Variants in STK39 observed in about 807,000 individuals in gnomAD.
STK39 encodes the protein serine/threonine kinase 39.
Under a neutral mutation model 77.8 loss-of-function variants are expected in STK39, and 20 were observed. That is an observed-to-expected ratio of 0.26 (90% CI 0.18 to 0.37). STK39 has a LOEUF of 0.37. Among genes scored for constraint, STK39 ranks in the 10% least tolerant of loss-of-function variants. The pLI is 1.00. For missense variants in STK39, 479 were observed against 656.5 expected (o/e 0.73, Z 2.95); for synonymous variants, 246 against 234.1 (o/e 1.05, Z -0.47).
intron 5 of STK39, 131 bp from the exon 6 acceptor site, chr2:168,140,889 C>T: frequency 1.5e-6 from 1 of 686,964 alleles, no homozygotes; most frequent in Non-Finnish European, 2.3e-6. Flanking sequence ...GTCTACGGTG[C>T]TCTCTCAGGA....
intron 14 of STK39, among the ~76,000 whole-genome samples, chr2:168,031,435 A>T (rs549445275): frequency 1.1e-3 from 167 of 152,182 alleles, no homozygotes; most frequent in Non-Finnish European, 1.5e-3. Context: ...AGTGGCCCTG[A>T]GAAGTGGCCA....
chr2:167,998,968 A>C (rs376317691), intron 16 of STK39, among the ~76,000 whole-genome samples: 26 of 152,218 alleles, frequency 1.7e-4, no homozygotes, highest in African/African-American at 6.3e-4. Flanking sequence ...AAGGCTAGAG[A>C]GGCACAAGAT....
At chr2:168,022,571 A>G (rs528914580) in intron 14 of STK39, among the ~76,000 whole-genome samples, 1 of 152,344 alleles carries the variant, frequency 6.6e-6, no homozygotes, top group Admixed American at 6.5e-5. Context: ...AAGAAATTTG[A>G]AATTTTATAT....
chr2:168,077,137 A>G (rs1275244679), intron 10 of STK39, among the ~76,000 whole-genome samples: 1 of 152,208 alleles, frequency 6.6e-6, no homozygotes, highest in Non-Finnish European at 1.5e-5. Context: ...AAGTAAAATT[A>G]TCTATCAGAC....
At chr2:168,048,131 G>GATTAA (rs61157166) in intron 14 of STK39, among the ~76,000 whole-genome samples, 78,525 of 151,448 alleles carry the variant, frequency 0.52, 20,926 homozygotes, top group Admixed American at 0.57. Context: ...GCCAAATTCT[G>GATTAA]ATTAAGATCC....
intron 16 of STK39, among the ~76,000 whole-genome samples, chr2:167,978,334 A>G (rs1683334410): frequency 6.6e-6 from 1 of 152,138 alleles, no homozygotes; most frequent in Non-Finnish European, 1.5e-5. Context: ...AAATTTTCAG[A>G]GTTAAACTAT....
intron 10 of STK39, among the ~76,000 whole-genome samples, chr2:168,093,749 T>G (rs966660339): frequency 2.0e-5 from 3 of 152,138 alleles, no homozygotes; most frequent in African/African-American, 7.2e-5. Context: ...CACAACACAC[T>G]GCCACACTGC....
At position 168,118,621 on chromosome 2, in the gene STK39, AAAC is replaced by A. The variant is rs1220295311; in HGVS notation, c.1089+10917_1089+10919del. On this transcript the variant is annotated intron_variant, in intron 10 of 17. Coordinates refer to ENST00000355999, the MANE Select transcript of STK39 (RefSeq NM_013233.3). The stretch of plus-strand genomic sequence containing the variant: ...TGCTTTCAAAAAAAAAAAAAAAAAA[AAAC>A]AACAACTCAATTCACCAAATGAATT... 4.5e-3 allele frequency among the ~76,000 whole-genome samples: 607 copies of A among 133,542 alleles called. 1 individual carries two copies. The highest frequency in any genetic ancestry group is 0.016 in the Middle Eastern group (4 of 256). The allele number at this position is 133,542 out of a possible 152,430, so 87.6% of individuals were successfully genotyped here.
At chr2:168,223,223 T>C (rs1465327222) in intron 1 of STK39, among the ~76,000 whole-genome samples, 1 of 152,152 alleles carries the variant, frequency 6.6e-6, no homozygotes, top group East Asian at 1.9e-4. Flanking sequence ...AGAAATTCAC[T>C]TCTTGGCCAG....
intron 1 of STK39, among the ~76,000 whole-genome samples, chr2:168,183,022 C>T (rs527624011): frequency 6.6e-6 from 1 of 152,260 alleles, no homozygotes; most frequent in African/African-American, 2.4e-5. Flanking sequence ...CATCAAATAG[C>T]ATCATAAAAG....
intron 14 of STK39, 48 bp downstream of exon 14, chr2:168,063,452 A>G (rs1685713537): frequency 6.6e-7 from 1 of 1,517,466 alleles, no homozygotes; most frequent in South Asian, 1.2e-5. Context: ...GATTTAAAAA[A>G]TTGTACTATA....
intron 17 of STK39, among the ~76,000 whole-genome samples, chr2:167,959,464 A>ACTTT (rs1267053385): frequency 1.3e-5 from 2 of 151,862 alleles, no homozygotes; most frequent in East Asian, 1.9e-4. Flanking sequence ...TGTCAGTCTT[A>ACTTT]CTTCATTCTG....
At chr2:168,147,762 C>T (rs1235425540) in intron 5 of STK39, among the ~76,000 whole-genome samples, 1 of 152,100 alleles carries the variant, frequency 6.6e-6, no homozygotes, top group Non-Finnish European at 1.5e-5. Context: ...AAGAAACATG[C>T]TAATGGGCCC....
At chr2:167,956,159 A>G (rs1488071539) in intron 17 of STK39, among the ~76,000 whole-genome samples, 2 of 152,232 alleles carry the variant, frequency 1.3e-5, no homozygotes, top group African/African-American at 4.8e-5. Flanking sequence ...CTATAAAAGA[A>G]TTTTGTTTAT....
intron 15 of STK39, among the ~76,000 whole-genome samples, chr2:168,015,219 G>A (rs1056636350): frequency 6.6e-6 from 1 of 152,170 alleles, no homozygotes; most frequent in Non-Finnish European, 1.5e-5. Flanking sequence ...CAGAGCACAT[G>A]GGGCACACTA....
At chr2:168,108,788 A>G (rs1687047991) in intron 10 of STK39, among the ~76,000 whole-genome samples, 1 of 152,176 alleles carries the variant, frequency 6.6e-6, no homozygotes, top group Non-Finnish European at 1.5e-5. Flanking sequence ...CTAACATATC[A>G]TCAGTTTAGA....
At chr2:167,986,603 T>A (rs1683565863) in intron 16 of STK39, among the ~76,000 whole-genome samples, 1 of 152,170 alleles carries the variant, frequency 6.6e-6, no homozygotes, top group African/African-American at 2.4e-5. Flanking sequence ...AGAAATGGAT[T>A]TAGACTTTTA....
At chr2:167,987,969 G>T (rs748627322) in intron 16 of STK39, among the ~76,000 whole-genome samples, 38 of 152,220 alleles carry the variant, frequency 2.5e-4, no homozygotes, top group Non-Finnish European at 4.4e-4. Flanking sequence ...GTTGGAACTC[G>T]TATTTGCTCC....
intron 14 of STK39, among the ~76,000 whole-genome samples, chr2:168,042,021 T>C (rs77606528): frequency 6.6e-6 from 1 of 152,186 alleles, no homozygotes; most frequent in Non-Finnish European, 1.5e-5. Flanking sequence ...TTTAATCCTA[T>C]AGGTCTACTT....
Sources: gnomAD v4.1 joint callset for allele counts (sites outside exome capture counted in the v4.1 genomes callset) on GRCh38, gnomAD v4.1.1 for gene constraint, MANE v1.5 for transcripts, NCBI Gene and HGNC (gene_info 2026-07-23, HGNC 2026-07-21) for gene names.